CDHR2: variants seen among roughly 807,000 people sequenced by gnomAD.
The protein encoded by CDHR2 is cadherin related family member 2.
In CDHR2, 104 loss-of-function variants were observed where a neutral mutation model predicts 138.6. That is an observed-to-expected ratio of 0.75 (90% confidence interval 0.64 to 0.88). The LOEUF (loss-of-function observed/expected upper bound fraction) is 0.88. CDHR2 is among the 40% of genes least tolerant of loss of function. The pLI, the probability that CDHR2 is intolerant of heterozygous loss-of-function variation, is 0.00. For missense variants in CDHR2, 1,624 were observed against 1,727.6 expected, an observed-to-expected ratio of 0.94 and a Z score of 1.06; for synonymous variants, 755 against 742.8, an observed-to-expected ratio of 1.02 and a Z score of -0.27.
At chr5:176,548,074 C>A (rs1050554859), upstream of CDHR2, among the ~76,000 whole-genome samples, 1 of 152,160 alleles carries the variant, frequency 6.6e-6, no homozygotes, top group African/African-American at 2.4e-5. Flanking sequence ...GGGCTGCTAA[C>A]CTATGCAGCC....
intron 6 of CDHR2, 82 bp from the exon 7 acceptor site, chr5:176,574,001 A>G (rs568482761): frequency 3.6e-4 from 390 of 1,074,598 alleles, no homozygotes; most frequent in Middle Eastern, 1.2e-3. Flanking sequence ...AGCTGAGGAC[A>G]CTGAAGCTCA....
intron 7 of CDHR2, 64 bp downstream of exon 7, chr5:176,574,236 C>A (rs1758305337): frequency 8.3e-7 from 1 of 1,200,590 alleles, no homozygotes; most frequent in Non-Finnish European, 1.2e-6. Flanking sequence ...CCACAGACAA[C>A]CCACAGGGCC....
intron 3 of CDHR2, among the ~76,000 whole-genome samples, chr5:176,566,608 G>A (rs1421382563): frequency 1.3e-5 from 2 of 152,212 alleles, no homozygotes; most frequent in Non-Finnish European, 2.9e-5. Flanking sequence ...GAGGGGGCGG[G>A]GGTCACGCAG....
chr5:176,588,660 T>G (rs1758751599), intron 21 of CDHR2, among the ~76,000 whole-genome samples: 1 of 149,572 alleles, frequency 6.7e-6, no homozygotes, highest in African/African-American at 2.5e-5. Flanking sequence ...GGACAGTGTG[T>G]GAGAGTGTGT....
chr5:176,592,664 G>A (rs1373107126), intron 30 of CDHR2, 59 bp from the exon 31 acceptor site: 5 of 1,457,704 alleles, frequency 3.4e-6, no homozygotes, highest in Non-Finnish European at 4.8e-6. Flanking sequence ...GGTGGTTCTT[G>A]GGCACAGTAA....
intron 1 of CDHR2, among the ~76,000 whole-genome samples, chr5:176,552,594 GT>G (rs1757730694): frequency 6.6e-6 from 1 of 152,174 alleles, no homozygotes; most frequent in South Asian, 2.1e-4. Context: ...GGGGCAGGCC[GT>G]TATTGCGCCT....
intron 21 of CDHR2, among the ~76,000 whole-genome samples, chr5:176,588,342 A>G (rs1258531732): frequency 6.9e-6 from 1 of 145,824 alleles, no homozygotes; most frequent in Non-Finnish European, 1.5e-5. Flanking sequence ...AAGTGTGTGA[A>G]TGTGTGTGAA....
chr5:176,573,863 C>T (rs1382290083), intron 6 of CDHR2, among the ~76,000 whole-genome samples: 2 of 152,108 alleles, frequency 1.3e-5, no homozygotes, highest in South Asian at 2.1e-4. Flanking sequence ...CAGAAGCCAG[C>T]TTAGGTGGTG....
intron 3 of CDHR2, among the ~76,000 whole-genome samples, chr5:176,567,422 G>A (rs968446290): frequency 3.9e-5 from 6 of 151,988 alleles, no homozygotes; most frequent in South Asian, 2.1e-4. Context: ...CTCCCATCTC[G>A]GCTTCCCAAA....
rs1290038222 is a variant in CDHR2, at chr5:176,590,065, G to C, written c.3207-13G>C. 1 of 1,611,938 alleles carries C rather than the reference G, an allele frequency of 6.2e-7. No individual in the cohort carries two copies. The highest frequency in any genetic ancestry group is 8.5e-7 in the Non-Finnish European group (1 of 1,178,152). ...AAGACCCCAGGCCTCTGTGACATCTGCCTTCTTTGCAGGGCTCTTACCCAG... is the reference window on the plus strand; with the variant it reads ...AAGACCCCAGGCCTCTGTGACATCTCCCTTCTTTGCAGGGCTCTTACCCAG... On this transcript the variant is annotated splice_polypyrimidine_tract_variant and intron_variant, in intron 24 of 31. Transcript: ENST00000261944.
intron 31 of CDHR2, among the ~76,000 whole-genome samples, chr5:176,593,997 G>A (rs992979239): frequency 6.6e-5 from 10 of 152,172 alleles, no homozygotes; most frequent in Admixed American, 5.2e-4. Context: ...GAACTGAGGC[G>A]AAGGAACAGT....
chr5:176,588,638 TGA>T (rs1491452727), intron 21 of CDHR2, among the ~76,000 whole-genome samples: 603 of 19,158 alleles, frequency 0.031, 1 homozygote, highest in Middle Eastern at 0.11. Context: ...AGGGTGAGAC[TGA>T]GTGTGAGTGG....
Position 176,575,743 on chromosome 5 carries a change from G to A in CDHR2, c.864G>A (p.Trp288Ter), listed in dbSNP as rs761176304. 1 of 1,572,590 alleles carries A rather than the reference G, an allele frequency of 6.4e-7. No homozygotes were observed. The highest frequency in any genetic ancestry group is 8.6e-7 in the Non-Finnish European group (1 of 1,158,266). The stretch of plus-strand genomic sequence containing the variant: ...TGCCAGACTCCACGCGGCCCGGCTG[G>A]TTTGACATCGGGGCAGATGGGGTGA... ...YSISYSTRPG[W>*]FDIGADGVIR... Residue 288 changes from tryptophan to a stop codon, truncating the protein, a stop_gained, in exon 11 of 32, where the codon TGG (tryptophan) becomes TGA (stop). Coordinates refer to ENST00000261944, the MANE Select transcript of CDHR2 (RefSeq NM_017675.6). LOFTEE classifies it high-confidence loss of function.
rs199506670 is a variant in CDHR2 at position 176,589,227 on chromosome 5, G to A, written c.3008+45G>A. 7.2e-5 allele frequency: 116 copies of A among 1,609,852 alleles called. 2 individuals are homozygous for A. In the Admixed American group the frequency reaches 1.7e-3, roughly 24 times the overall value. The stretch of plus-strand genomic sequence containing the variant: ...GGAGGGAGGTTGCGGGGAGGGGCCC[G>A]ATAGGAGCTTTCAGGCAGCAAGTCC... On this transcript the variant is annotated intron_variant, in intron 22 of 31. Coordinates refer to ENST00000261944, the MANE Select transcript of CDHR2 (RefSeq NM_017675.6).
Position 176,588,916 on chromosome 5 carries a change from C to T in CDHR2, c.2857-115C>T, listed in dbSNP as rs113291541. The T allele has an allele frequency of 2.2e-3, 2,305 of 1,024,612 alleles. 6 individuals carry two copies. The highest frequency in any genetic ancestry group is 3.0e-3 in the Non-Finnish European group (2,026 of 684,968). 63.5% of individuals were successfully genotyped at this position (1,024,612 alleles called of 1,614,324 possible). A position where few individuals can be genotyped will look rare whatever the true frequency, so the allele number is the denominator to read the frequency against. On this transcript the variant is annotated intron_variant, in intron 21 of 31. Coordinates refer to ENST00000261944, the MANE Select transcript of CDHR2 (RefSeq NM_017675.6). ...CTTATTCGGGGCAGCGTGGGGATGG[C>T]GGATAGAGACGGTGAGGGCCAGCCT...
intron 1 of CDHR2, among the ~76,000 whole-genome samples, chr5:176,559,071 T>C (rs1757908450): frequency 6.6e-6 from 1 of 152,186 alleles, no homozygotes. Flanking sequence ...TTGGGCTTCC[T>C]TATAACATGG....
rs539805915 is a variant in CDHR2, at chr5:176,577,750, G to T, written c.1464G>T (p.Thr488=). 1 of 1,614,146 alleles carries T rather than the reference G, an allele frequency of 6.2e-7. No homozygotes were observed. The highest frequency in any genetic ancestry group is 8.5e-7 in the Non-Finnish European group (1 of 1,180,034). The part of the protein sequence containing the change: ...PTFPQSLYVL[T]VPEHSATGSV... ...TTCCCCAGAGCTTGTACGTCCTCAC[G>T]GTGCCAGAGCACAGCGCCACCGGCT... Residue 488 remains threonine (T), a synonymous_variant, in exon 14 of 32, where the codon ACG becomes ACT. Coordinates refer to ENST00000261944, the MANE Select transcript of CDHR2 (RefSeq NM_017675.6).
chr5:176,585,914 C>T, intron 19 of CDHR2, 40 bp from the exon 20 acceptor site: 1 of 1,532,884 alleles, frequency 6.5e-7, no homozygotes, highest in South Asian at 1.1e-5. Context: ...TTGGGTCAAG[C>T]TTTTGCCCAG....
At chr5:176,548,762 A>G (rs546133202), upstream of CDHR2, among the ~76,000 whole-genome samples, 3 of 150,716 alleles carry the variant, frequency 2.0e-5, no homozygotes, top group South Asian at 6.3e-4. Flanking sequence ...TAAATAATTA[A>G]AAAAAAAAGG....
Sources: allele counts gnomAD v4.1 joint callset (sites outside exome capture counted in the v4.1 genomes callset), GRCh38; gene constraint gnomAD v4.1.1; transcripts MANE v1.5; gene names NCBI Gene and HGNC (gene_info 2026-07-23, HGNC 2026-07-21).